The following SNRPA variants were observed in gnomAD, a reference collection of about 807,000 sequenced individuals.
SNRPA encodes U1 small nuclear ribonucleoprotein A.
Under a neutral mutation model 24.5 loss-of-function variants are expected in SNRPA, and 10 were observed. The observed-to-expected ratio is 0.41, with a 90% CI of 0.25 to 0.69. SNRPA has a LOEUF of 0.69. Among genes scored for constraint, SNRPA ranks in the 30% least tolerant of loss-of-function variants. The pLI, the probability that SNRPA is intolerant of heterozygous loss-of-function variation, is 0.33. For synonymous variants in SNRPA, 165 were observed against 148.4 expected (o/e 1.11, Z -0.81); for missense variants, 283 against 394.7 (o/e 0.72, Z 2.40).
intron 3 of SNRPA, among the ~76,000 whole-genome samples, chr19:40,760,775 C>CA (rs2082927984): frequency 6.6e-6 from 1 of 152,026 alleles, no homozygotes. Flanking sequence ...CTCATCTCTA[C>CA]AAAAAATAAA....
At chr19:40,754,523 C>G (rs559084491) in intron 1 of SNRPA, among the ~76,000 whole-genome samples, 1 of 152,254 alleles carries the variant, frequency 6.6e-6, no homozygotes, top group East Asian at 1.9e-4. Context: ...CATTCAGCTT[C>G]CAGGAAAAGG....
intron 1 of SNRPA, among the ~76,000 whole-genome samples, chr19:40,753,712 A>G (rs993163001): frequency 2.7e-5 from 4 of 150,862 alleles, no homozygotes; most frequent in African/African-American, 9.8e-5. Context: ...ATGTTTTTAG[A>G]GTGTGGTGCC....
intron 3 of SNRPA, 76 bp downstream of exon 3, chr19:40,759,686 TG>T: frequency 7.3e-7 from 1 of 1,361,158 alleles, no homozygotes. Context: ...TGGGACAGGG[TG>T]GGGAGAGTTC....
chr19:40,753,220 C>T (rs971975412), intron 1 of SNRPA, among the ~76,000 whole-genome samples: 2 of 151,132 alleles, frequency 1.3e-5, no homozygotes, highest in East Asian at 2.0e-4. Flanking sequence ...CTGGATGTGG[C>T]GGTGCGCACC....
chr19:40,759,206 A>G (rs865979663), intron 2 of SNRPA, among the ~76,000 whole-genome samples: 10 of 138,486 alleles, frequency 7.2e-5, no homozygotes, highest in South Asian at 2.2e-4. Context: ...CAATGTCTCA[A>G]AAAAAAAAAA....
intron 3 of SNRPA, among the ~76,000 whole-genome samples, chr19:40,759,837 GTCTT>G (rs1378010870): frequency 6.6e-6 from 1 of 152,032 alleles, no homozygotes; most frequent in Non-Finnish European, 1.5e-5. Flanking sequence ...GTTTCTCAAG[GTCTT>G]TCTTCATGGC....
At chr19:40,762,876 C>CG in intron 3 of SNRPA, 25 bp from the exon 4 acceptor site, 1 of 1,610,600 alleles carries the variant, frequency 6.2e-7, no homozygotes, top group Non-Finnish European at 8.5e-7. Context: ...GCTGTAACCA[C>CG]GCACTCTCCT....
intron 1 of SNRPA, among the ~76,000 whole-genome samples, chr19:40,754,100 GT>G (rs57361537): frequency 5.3e-4 from 62 of 117,984 alleles, no homozygotes; most frequent in East Asian, 1.6e-3. Context: ...AGCGCCCGGC[GT>G]TTTTTTTTTT....
chr19:40,755,805 G>A (rs908620414), intron 1 of SNRPA, among the ~76,000 whole-genome samples: 2 of 152,156 alleles, frequency 1.3e-5, no homozygotes, highest in Non-Finnish European at 2.9e-5. Flanking sequence ...GAGATGTGGT[G>A]GTACCGGGTT....
At position 40,759,557 on chromosome 19, in the gene SNRPA, G is replaced by A. The variant is rs146345577; in HGVS notation, c.373G>A (p.Val125Met). The change falls in exon 3 of 6, where the codon GTG (valine) becomes ATG (methionine). Residue 125 changes from valine (V) to methionine (M), a missense_variant. Val to Met is a conservative substitution (Grantham distance 21). Around this residue, in one of 6 missense-constraint regions of SNRPA, gnomAD observed 167 missense variants for 174.3 expected, o/e 0.96. Transcript: ENST00000243563. ...SQETPATKKA[V>M]QGGGATPVVG... is the part of the protein sequence containing the mutation. The stretch of plus-strand genomic sequence containing the variant: ...GGAGACCCCGGCCACCAAGAAGGCT[G>A]TGCAAGGCGGGGGAGCCACCCCCGT... The A allele has an allele frequency of 1.2e-6, 2 of 1,613,850 alleles. No homozygotes were observed. Among genetic ancestry groups the A allele is most frequent in the African/African-American group, 2.7e-5 (2 of 74,878 alleles).
At chr19:40,761,458 C>CTTTTTCTTTTTTTTTTTTTTTTTTTTT (rs1204455823) in intron 3 of SNRPA, among the ~76,000 whole-genome samples, 1 of 85,860 alleles carries the variant, frequency 1.2e-5, no homozygotes, top group African/African-American at 4.3e-5. Flanking sequence ...TTTTCTTTTT[C>CTTTTTCTTTTTTTTTTTTTTTTTTTTT]TTTTTTTTTT....
Position 40,756,795 on chromosome 19 carries a change from G to A in SNRPA, c.74-537G>A, listed in dbSNP as rs79331471. On this transcript the variant is annotated intron_variant, in intron 1 of 5. Coordinates refer to ENST00000243563, the MANE Select transcript of SNRPA (RefSeq NM_004596.5). ...AAATTTAGACGTCGTGGTCAGAGGT[G>A]GCAACATTTCCTCTGAGACTGGGTG... Among the ~76,000 whole-genome samples the A allele has an allele frequency of 6.8e-3, 1,028 of 152,230 alleles. 15 individuals are homozygous for A. The highest frequency in any genetic ancestry group is 0.023 in the African/African-American group (965 of 41,536).
At chr19:40,761,138 A>AC (rs927875468) in intron 3 of SNRPA, among the ~76,000 whole-genome samples, 2 of 151,806 alleles carry the variant, frequency 1.3e-5, no homozygotes, top group African/African-American at 4.8e-5. Context: ...AAAAAAAAAA[A>AC]AAAACCTGCA....
chr19:40,763,216 T>TG (rs1428792128), intron 4 of SNRPA, 142 bp downstream of exon 4: 1 of 641,830 alleles, frequency 1.6e-6, no homozygotes, highest in African/African-American at 1.8e-5. Flanking sequence ...GAAGTAGCAG[T>TG]GGGGGTGGGC....
chr19:40,762,969 G>T lies in SNRPA; in HGVS notation c.495G>T (p.Pro165=). ...TGCCGGGCCAGCCGCCCTACATGCCGCCCCCTGGTATGATCCCCCCGCCAG... is the reference window on the plus strand; with the variant it reads ...TGCCGGGCCAGCCGCCCTACATGCCTCCCCCTGGTATGATCCCCCCGCCAG... ...HHMPGQPPYM[P]PPGMIPPPGL... Residue 165 remains proline, a synonymous_variant, in exon 4 of 6, where the codon CCG becomes CCT. Transcript: ENST00000243563. 3.1e-6 allele frequency: 5 copies of T among 1,613,172 alleles called. No homozygotes were observed. Among genetic ancestry groups the T allele is most frequent in the Non-Finnish European group, 3.4e-6 (4 of 1,179,558 alleles).
intron 5 of SNRPA, among the ~76,000 whole-genome samples, chr19:40,764,435 A>C (rs1449049397): frequency 6.6e-6 from 1 of 152,210 alleles, no homozygotes; most frequent in Non-Finnish European, 1.5e-5. Flanking sequence ...GAGAATGCCG[A>C]TGGAAAAAAG....
chr19:40,764,367 A>G (rs1057309589), intron 5 of SNRPA, among the ~76,000 whole-genome samples: 6 of 152,212 alleles, frequency 3.9e-5, no homozygotes, highest in African/African-American at 1.4e-4. Context: ...TGAGAACCTG[A>G]AAAATACAGA....
rs771278280 is a variant in SNRPA, at chr19:40,751,361, T to C, written c.-48T>C. 6 of 1,439,654 alleles carry C rather than the reference T, an allele frequency of 4.2e-6. No individual in the cohort carries two copies. Among genetic ancestry groups the C allele is most frequent in the Non-Finnish European group, 3.9e-6 (4 of 1,021,278 alleles). The allele number at this position is 1,439,654 out of a possible 1,614,324, so 89.2% of individuals were successfully genotyped here. A position where few individuals can be genotyped will look rare whatever the true frequency, so the allele number is the denominator to read the frequency against. On this transcript the variant is annotated 5_prime_UTR_variant, in exon 1 of 6. Coordinates refer to ENST00000243563, the MANE Select transcript of SNRPA (RefSeq NM_004596.5). ...CAAAGGATTTGGAGAAACCCAGGGC[T>C]AAAGTCACGTTTTTCCTCCTTTAAG... is the stretch of plus-strand genomic sequence containing the variant.
chr19:40,758,682 T>C (rs533983493), intron 2 of SNRPA: 2 of 152,320 alleles, frequency 1.3e-5, no homozygotes, highest in Admixed American at 1.3e-4. Flanking sequence ...GGCCAAGATA[T>C]TTCTGTGTTT....
Sources: gnomAD v4.1 joint callset for allele counts (sites outside exome capture counted in the v4.1 genomes callset) on GRCh38, gnomAD v4.1.1 for gene constraint, gnomAD v4.1.1 regional missense constraint, MANE v1.5 for transcripts, NCBI Gene and HGNC (gene_info 2026-07-23, HGNC 2026-07-21) for gene names.